ZNF385D: variants seen among roughly 807,000 people sequenced by gnomAD.
ZNF385D encodes the protein zinc finger protein 385D.
Under a neutral mutation model 35.8 loss-of-function variants are expected in ZNF385D, and 15 were observed. The observed-to-expected ratio is 0.42, with a 90% CI of 0.28 to 0.64. The LOEUF is 0.64. Ranked by LOEUF, ZNF385D falls within the 30% of genes least tolerant of loss-of-function variation. ZNF385D has a pLI of 0.23. For synonymous variants in ZNF385D, 212 were observed against 186.8 expected, an observed-to-expected ratio of 1.13 and a Z score of -1.10; for missense variants, 474 against 494.6, an observed-to-expected ratio of 0.96 and a Z score of 0.39.
At chr3:21,962,951 A>G (rs985336417) in intron 3 of ZNF385D, among the ~76,000 whole-genome samples, 64 of 152,228 alleles carry the variant, frequency 4.2e-4, no homozygotes, top group Admixed American at 2.3e-3. Flanking sequence ...TTTAAACACC[A>G]AACACTTTCT....
chr3:21,909,355 G>A lies in ZNF385D; in HGVS notation c.326-244327C>T, dbSNP rs188498503. 8.2e-3 allele frequency among the ~76,000 whole-genome samples: 1,246 copies of A among 152,112 alleles called. 5 individuals carry two copies. Among genetic ancestry groups the A allele is most frequent in the Non-Finnish European group, 0.013 (873 of 67,952 alleles). The stretch of plus-strand genomic sequence containing the variant: ...AACACAAAATAACTCTCATGGCTGA[G>A]AATTTGGCAATGTTTCATTTTCCAC... On this transcript the variant is annotated intron_variant, in intron 3 of 5. Coordinates refer to the ZNF385D transcript ENST00000494108.
rs537673763 is a variant in ZNF385D at position 21,497,181 on chromosome 3, T to G, written c.439+13680A>C. On this transcript the variant is annotated intron_variant, in intron 4 of 7. Coordinates refer to ENST00000281523, the MANE Select transcript of ZNF385D (RefSeq NM_024697.3). ...GTCTCTGCCCAAAAGCTCCTAGATC[T>G]AACAACAACTTCAGCAAAACTTTGG... Among the ~76,000 whole-genome samples the G allele has an allele frequency of 3.9e-5, 6 of 152,168 alleles. No individual in the cohort carries two copies. In the East Asian group the frequency reaches 1.2e-3, roughly 29 times the overall value.
intron 3 of ZNF385D, among the ~76,000 whole-genome samples, chr3:22,113,883 C>A (rs766430785): frequency 6.6e-6 from 1 of 152,054 alleles, no homozygotes; most frequent in Non-Finnish European, 1.5e-5. Flanking sequence ...GCTCATTTTT[C>A]TACCTTGCTA....
At chr3:21,990,294 A>G (rs1349995267) in intron 3 of ZNF385D, among the ~76,000 whole-genome samples, 1 of 152,228 alleles carries the variant, frequency 6.6e-6, no homozygotes, top group Non-Finnish European at 1.5e-5. Context: ...GATGACATCT[A>G]GCAAAGCCTT....
intron 4 of ZNF385D, among the ~76,000 whole-genome samples, chr3:21,441,981 A>G (rs1701882810): frequency 6.6e-6 from 1 of 152,148 alleles, no homozygotes; most frequent in South Asian, 2.1e-4. Context: ...AACTGTCACT[A>G]TTTGGCTTTG....
intron 3 of ZNF385D, among the ~76,000 whole-genome samples, chr3:22,128,489 CTCTT>C (rs1703576621): frequency 6.6e-6 from 1 of 152,000 alleles, no homozygotes; most frequent in Non-Finnish European, 1.5e-5. Context: ...CCAATAGCTC[CTCTT>C]TAAGATCAAT....
intron 3 of ZNF385D, among the ~76,000 whole-genome samples, chr3:21,988,741 G>A (rs952930643): frequency 2.6e-5 from 4 of 151,758 alleles, no homozygotes; most frequent in African/African-American, 7.2e-5. Context: ...AGCAAGCCTG[G>A]GCAATGGCGG....
intron 2 of ZNF385D, among the ~76,000 whole-genome samples, chr3:21,632,353 T>G (rs1328512133): frequency 6.6e-6 from 1 of 152,138 alleles, no homozygotes; most frequent in Non-Finnish European, 1.5e-5. Flanking sequence ...AGTGACCAAT[T>G]TGAGACTGGC....
chr3:21,751,236 A>AACC, upstream of ZNF385D: 3 of 1,106,892 alleles, frequency 2.7e-6, no homozygotes, highest in South Asian at 2.7e-5. Flanking sequence ...AGACCCCTCC[A>AACC]CCCCACCCCA....
At chr3:21,690,701 A>G (rs1255825305) in intron 1 of ZNF385D, among the ~76,000 whole-genome samples, 2 of 152,198 alleles carry the variant, frequency 1.3e-5, no homozygotes, top group African/African-American at 4.8e-5. Flanking sequence ...TCCCCAGGCC[A>G]GCAGCGTCAA....
At chr3:22,356,997 T>C (rs1302698763) in intron 2 of ZNF385D, among the ~76,000 whole-genome samples, 1 of 151,870 alleles carries the variant, frequency 6.6e-6, no homozygotes, top group Non-Finnish European at 1.5e-5. Context: ...CAAGTTATAA[T>C]AAAACCTACA....
intron 3 of ZNF385D, among the ~76,000 whole-genome samples, chr3:21,988,595 G>C (rs1219043248): frequency 1.3e-5 from 2 of 150,828 alleles, no homozygotes; most frequent in African/African-American, 2.4e-5. Flanking sequence ...GGACATTTAA[G>C]TCTGCAGAGG....
intron 2 of ZNF385D, among the ~76,000 whole-genome samples, chr3:21,604,450 A>T (rs1347991497): frequency 6.6e-6 from 1 of 152,222 alleles, no homozygotes; most frequent in African/African-American, 2.4e-5. Flanking sequence ...ATGTAGGAAG[A>T]TTAGTTTGGC....
chr3:22,140,744 C>T (rs779751270), intron 3 of ZNF385D, among the ~76,000 whole-genome samples: 2 of 152,160 alleles, frequency 1.3e-5, no homozygotes, highest in Non-Finnish European at 2.9e-5. Context: ...GGAAAAATAA[C>T]ATACATTTTG....
chr3:22,324,479 TATAA>T (rs905263388), intron 2 of ZNF385D, among the ~76,000 whole-genome samples: 9 of 152,162 alleles, frequency 5.9e-5, no homozygotes, highest in East Asian at 1.9e-4. Context: ...AACACAAAAG[TATAA>T]ATAACAGAAA....
chr3:22,196,508 T>C (rs978855855), intron 2 of ZNF385D, among the ~76,000 whole-genome samples: 8 of 152,080 alleles, frequency 5.3e-5, no homozygotes, highest in African/African-American at 2.4e-5. Context: ...GACTGAACTA[T>C]TTTGTTTTTA....
intron 3 of ZNF385D, among the ~76,000 whole-genome samples, chr3:22,019,731 G>A (rs76242097): frequency 0.057 from 8,670 of 151,864 alleles, 307 homozygotes; most frequent in East Asian, 0.18. Context: ...TTAGATGTAT[G>A]CCCTCTATGC....
chr3:21,791,127 TA>T (rs752773887), intron 3 of ZNF385D, among the ~76,000 whole-genome samples: 74 of 152,226 alleles, frequency 4.9e-4, no homozygotes, highest in Admixed American at 5.9e-4. Context: ...AATGCCTTTA[TA>T]AAGGTCAATG....
At chr3:21,802,387 CTTGTT>C (rs975142548) in intron 3 of ZNF385D, among the ~76,000 whole-genome samples, 2 of 152,054 alleles carry the variant, frequency 1.3e-5, no homozygotes, top group African/African-American at 4.8e-5. Context: ...TCCAGAACAA[CTTGTT>C]TTTTCTTTAA....
Sources: gnomAD v4.1 joint callset for allele counts (sites outside exome capture counted in the v4.1 genomes callset) on GRCh38, gnomAD v4.1.1 for gene constraint, MANE v1.5 for transcripts, NCBI Gene and HGNC (gene_info 2026-07-23, HGNC 2026-07-21) for gene names.